PPP1R21: variants seen among roughly 807,000 people sequenced by gnomAD.
The protein encoded by PPP1R21 is KLRAQ motif containing 1.
PPP1R21 carries 85 observed loss-of-function variants against 112.8 expected under a neutral mutation model. The observed-to-expected ratio is 0.75, with a 90% CI of 0.63 to 0.90. PPP1R21 has a LOEUF of 0.90. PPP1R21 is among the 40% of genes least tolerant of loss of function. The pLI is 0.00. For missense variants in PPP1R21, 1,199 were observed against 901.5 expected (o/e 1.33, Z -4.23); for synonymous variants, 381 against 322.3 (o/e 1.18, Z -1.95).
intron 18 of PPP1R21, 52 bp downstream of exon 18, chr2:48,505,648 TTTG>T: frequency 7.0e-7 from 1 of 1,436,150 alleles, no homozygotes; most frequent in East Asian, 2.5e-5. Flanking sequence ...TGGCAGCATG[TTTG>T]TTGACAAAGT....
chr2:48,497,752 C>T (rs1669911171), intron 16 of PPP1R21, among the ~76,000 whole-genome samples: 2 of 151,082 alleles, frequency 1.3e-5, no homozygotes, highest in African/African-American at 2.4e-5. Flanking sequence ...CCTGGGTTCA[C>T]GCCATTCTCC....
intron 1 of PPP1R21, among the ~76,000 whole-genome samples, chr2:48,448,868 A>G (rs1437847068): frequency 6.6e-6 from 1 of 152,188 alleles, no homozygotes; most frequent in Non-Finnish European, 1.5e-5. Context: ...TTCTGTTGCA[A>G]CTGCTCGTCT....
chr2:48,487,780 A>G (rs1669377271), intron 14 of PPP1R21, among the ~76,000 whole-genome samples: 1 of 151,156 alleles, frequency 6.6e-6, no homozygotes, highest in Non-Finnish European at 1.5e-5. Context: ...AAAAAAAAAG[A>G]ATGTTTTGAT....
intron 12 of PPP1R21, among the ~76,000 whole-genome samples, chr2:48,477,285 A>G (rs535459946): frequency 1.0e-3 from 152 of 151,862 alleles, no homozygotes; most frequent in Admixed American, 2.6e-3. Context: ...CACTTGGCTA[A>G]TTTTTGCATT....
In PPP1R21 at chr2:48,465,559, A is replaced by G. The variant is rs780108150; in HGVS notation, c.814A>G (p.Asn272Asp). Residue 272 changes from asparagine (N) to aspartate (D), a missense_variant, in exon 9 of 22, where the codon AAC becomes GAC. By Grantham distance (23) the Asn-to-Asp change is conservative. Coordinates refer to ENST00000294952, the MANE Select transcript of PPP1R21 (RefSeq NM_001135629.3). ...TCAGGATCTTGTGACGGCTCTTCTAAACTTTCATACCTACACAGAACAGAG... is the reference window on the plus strand; with the variant it reads ...TCAGGATCTTGTGACGGCTCTTCTAGACTTTCATACCTACACAGAACAGAG... ...FVQDLVTALL[N>D]FHTYTEQRIQ... The G allele has an allele frequency of 1.9e-5, 30 of 1,613,888 alleles. No homozygotes were observed. Among genetic ancestry groups the G allele is most frequent in the Admixed American group, 5.0e-5 (3 of 59,996 alleles).
chr2:48,456,057 A>G (rs1411069951), intron 3 of PPP1R21, among the ~76,000 whole-genome samples: 2 of 150,880 alleles, frequency 1.3e-5, no homozygotes, highest in Non-Finnish European at 2.9e-5. Context: ...TGAAACACTT[A>G]TACCTTAGGT....
intron 13 of PPP1R21, among the ~76,000 whole-genome samples, chr2:48,486,220 TG>T (rs1264171706): frequency 2.0e-5 from 3 of 152,094 alleles, no homozygotes; most frequent in Admixed American, 2.0e-4. Flanking sequence ...AGTGTGGTTG[TG>T]TTGGCTATTC....
intron 14 of PPP1R21, among the ~76,000 whole-genome samples, chr2:48,487,381 G>A (rs533537067): frequency 1.5e-4 from 23 of 151,984 alleles, no homozygotes; most frequent in Non-Finnish European, 2.8e-4. Flanking sequence ...GTGTCTTTTC[G>A]TTGAACCTTT....
intron 17 of PPP1R21, among the ~76,000 whole-genome samples, chr2:48,503,851 G>T (rs562210161): frequency 4.0e-5 from 6 of 151,646 alleles, no homozygotes; most frequent in African/African-American, 1.5e-4. Flanking sequence ...TACTCGGGAG[G>T]CTGAGGCAAG....
In PPP1R21 at chr2:48,482,016, A is replaced by G. The variant is rs1669035873; in HGVS notation, c.1318+2000A>G. On this transcript the variant is annotated intron_variant, in intron 13 of 21. Transcript: ENST00000294952. ...TATTTAGACTTGGATCCTGTCCCCA[A>G]GATACCTTCTTATGTATATGCGAAT... 2.0e-5 allele frequency among the ~76,000 whole-genome samples: 3 copies of G among 152,362 alleles called. No individual in the cohort carries two copies. The South Asian group carries it at 6.2e-4, about 32-fold the overall frequency.
intron 16 of PPP1R21, among the ~76,000 whole-genome samples, chr2:48,496,516 G>T (rs189329849): frequency 3.3e-5 from 5 of 150,726 alleles, no homozygotes; most frequent in African/African-American, 1.2e-4. Context: ...CACCTAGGCT[G>T]GAGTGCAGTG....
intron 12 of PPP1R21, among the ~76,000 whole-genome samples, chr2:48,477,140 T>A (rs1054950909): frequency 8.0e-5 from 12 of 149,214 alleles, no homozygotes; most frequent in African/African-American, 2.7e-4. Context: ...TTTTTTTTTT[T>A]AGACAGAGTC....
At position 48,514,810 on chromosome 2, in the gene PPP1R21, T is replaced by G; in HGVS notation, c.*66T>G. ...CTCCTGCTGCACAGAGCCGCAGGGC[T>G]GAGACCACGTCCATGCTGGCTGCCT... On this transcript the variant is annotated 3_prime_UTR_variant, in exon 22 of 22. Coordinates refer to ENST00000294952, the MANE Select transcript of PPP1R21 (RefSeq NM_001135629.3). The G allele has an allele frequency of 6.5e-7, 1 of 1,548,632 alleles. No individual in the cohort carries two copies. The highest frequency in any genetic ancestry group is 1.1e-5 in the South Asian group (1 of 88,692).
intron 13 of PPP1R21, among the ~76,000 whole-genome samples, chr2:48,482,531 G>A (rs937608490): frequency 6.6e-6 from 1 of 151,980 alleles, no homozygotes; most frequent in African/African-American, 2.4e-5. Flanking sequence ...AACTTATTGT[G>A]AATACATGTT....
chr2:48,446,526 T>C (rs756545154), intron 1 of PPP1R21, among the ~76,000 whole-genome samples: 2 of 152,154 alleles, frequency 1.3e-5, no homozygotes, highest in Non-Finnish European at 2.9e-5. Flanking sequence ...GTAATGGCAA[T>C]CTCTTATATA....
Position 48,498,740 on chromosome 2 carries a change from G to T in PPP1R21, c.1935+5G>T. The stretch of plus-strand genomic sequence containing the variant: ...CCCATTCAGAGCACCAGTCTAGTAA[G>T]TGTCTTCTTGGTTGTCCTCAGTTTT... On this transcript the variant is annotated splice_donor_5th_base_variant and intron_variant, in intron 17 of 21. Coordinates refer to ENST00000294952, the MANE Select transcript of PPP1R21 (RefSeq NM_001135629.3). 1 of 1,613,344 alleles carries T rather than the reference G, an allele frequency of 6.2e-7. No homozygotes were observed. The highest frequency in any genetic ancestry group is 8.5e-7 in the Non-Finnish European group (1 of 1,179,390).
intron 1 of PPP1R21, among the ~76,000 whole-genome samples, chr2:48,446,765 AATTG>A (rs1392327708): frequency 6.6e-6 from 1 of 152,140 alleles, no homozygotes; most frequent in Non-Finnish European, 1.5e-5. Context: ...TTTATTTATT[AATTG>A]ATTGATTTGC....
At chr2:48,460,024 G>C in intron 5 of PPP1R21, 71 bp from the exon 6 acceptor site, 1 of 1,597,504 alleles carries the variant, frequency 6.3e-7, no homozygotes, top group Non-Finnish European at 8.6e-7. Context: ...TTTGCCTGCA[G>C]GGTCTTACTA....
At position 48,458,133 on chromosome 2, in the gene PPP1R21, G is replaced by C. The variant is rs201136454; in HGVS notation, c.281G>C (p.Gly94Ala). The change falls in exon 4 of 22, where the codon GGA (glycine) becomes GCA (alanine). Residue 94 changes from glycine to alanine, a missense_variant. Transcript: ENST00000294952. The stretch of plus-strand genomic sequence containing the variant: ...ACTTATTCTTTCCATCAGAAAAGTG[G>C]AGAATCTTCTTCTCAGTTGAGTCAA... ...EPRGKKNKKS[G>A]ESSSQLSQEQ... 3.1e-6 allele frequency: 5 copies of C among 1,608,236 alleles called. No homozygotes were observed. The highest frequency in any genetic ancestry group is 4.3e-6 in the Non-Finnish European group (5 of 1,175,404).
Sources: gnomAD v4.1 joint callset for allele counts (sites outside exome capture counted in the v4.1 genomes callset) on GRCh38, gnomAD v4.1.1 for gene constraint, MANE v1.5 for transcripts, NCBI Gene and HGNC (gene_info 2026-07-23, HGNC 2026-07-21) for gene names.